PCDH11X: variants seen among roughly 807,000 people sequenced by gnomAD.
The protein encoded by PCDH11X is protocadherin-11 X-linked.
A neutral mutation model predicts 53.3 loss-of-function variants in PCDH11X; 18 were observed. The ratio of observed to expected loss-of-function variants is 0.34; its 90% confidence interval spans 0.23 to 0.50. The LOEUF is 0.50. Ranked by LOEUF, PCDH11X falls within the 20% of genes least tolerant of loss-of-function variation. The pLI, the probability that PCDH11X is intolerant of heterozygous loss-of-function variation, is 0.98. For synonymous variants in PCDH11X, 279 were observed against 393.3 expected (o/e 0.71, Z 3.44); for missense variants, 570 against 1,032.4 (o/e 0.55, Z 6.14).
At chrX:92,480,221 A>G (rs986468189) in intron 10 of PCDH11X, among the ~76,000 whole-genome samples, 1 of 111,481 alleles carries the variant, frequency 9.0e-6, no homozygotes, top group Non-Finnish European at 1.9e-5. Context: ...TATTTTCTAT[A>G]AAGACCTATT....
intron 4 of PCDH11X, among the ~76,000 whole-genome samples, chrX:91,812,828 A>G (rs1936334538): frequency 9.0e-6 from 1 of 111,383 alleles, no homozygotes; most frequent in African/African-American, 3.3e-5. Context: ...TTCCCAAATT[A>G]TTCAAGTCCC....
At chrX:92,269,675 A>G in intron 8 of PCDH11X, among the ~76,000 whole-genome samples, 2 of 110,363 alleles carry the variant, frequency 1.8e-5, no homozygotes, top group Non-Finnish European at 3.8e-5. Flanking sequence ...CTGCCCTTTT[A>G]TATTTAAAAA....
chrX:92,517,249 A>T (rs1457006451), intron 10 of PCDH11X, among the ~76,000 whole-genome samples: 1 of 111,709 alleles, frequency 9.0e-6, no homozygotes, highest in African/African-American at 3.3e-5. Flanking sequence ...AATACAAAAA[A>T]CAGAGCTTGA....
chrX:92,272,783 A>G (rs138854349), intron 8 of PCDH11X, among the ~76,000 whole-genome samples: 4,046 of 112,217 alleles, frequency 0.036, 79 homozygotes, highest in Non-Finnish European at 0.057. Context: ...TGATGAAGGT[A>G]TCTAAAGGAA....
In PCDH11X at chrX:92,201,423, A is replaced by G. The variant is rs778253077; in HGVS notation, c.3082A>G (p.Thr1028Ala). 1.7e-6 allele frequency: 2 copies of G among 1,202,811 alleles called. No homozygotes were observed. Among genetic ancestry groups the G allele is most frequent in the South Asian group, 1.8e-5 (1 of 55,933 alleles). The part of the protein sequence containing the change: ...RSCTPMKEST[T>A]MEIWIHPQPQ... The stretch of plus-strand genomic sequence containing the variant: ...TTGCACCCCCATGAAAGAGTCTACA[A>G]CTATGGAGATCTGGATTCATCCCCA... The change falls in exon 7 of 11, where the codon ACT becomes GCT. Residue 1028 changes from threonine to alanine, a missense_variant. By Grantham distance (58) the Thr-to-Ala change is moderately conservative (BLOSUM62 0). Around this residue, in one of 6 missense-constraint regions of PCDH11X, gnomAD observed 234 missense variants for 296.1 expected, o/e 0.79. Transcript: ENST00000682573.
At chrX:92,421,777 C>G (rs1433310210) in intron 9 of PCDH11X, among the ~76,000 whole-genome samples, 1 of 111,620 alleles carries the variant, frequency 9.0e-6, no homozygotes, top group African/African-American at 3.3e-5. Context: ...TATCTCATTG[C>G]GGTTTTGATT....
intron 7 of PCDH11X, among the ~76,000 whole-genome samples, chrX:92,255,086 C>T (rs1166645778): frequency 1.1e-4 from 11 of 103,093 alleles, no homozygotes; most frequent in African/African-American, 2.1e-4. Flanking sequence ...ACCAATCAGA[C>T]GTAGATTTGG....
At chrX:92,610,305 T>C (rs1927237965) in intron 10 of PCDH11X, among the ~76,000 whole-genome samples, 1 of 110,941 alleles carries the variant, frequency 9.0e-6, no homozygotes, top group East Asian at 2.9e-4. Flanking sequence ...TGGTGTGAGA[T>C]AGATTCTCAT....
chrX:91,883,003 G>C (rs1168746604), intron 6 of PCDH11X: 1 of 1,144,944 alleles, frequency 8.7e-7, no homozygotes, highest in Non-Finnish European at 1.2e-6. Context: ...TTCAATGATT[G>C]TGATTTCAAA....
chrX:92,277,938 C>T (rs1180320728), intron 8 of PCDH11X, among the ~76,000 whole-genome samples: 1 of 111,729 alleles, frequency 9.0e-6, no homozygotes, highest in Non-Finnish European at 1.9e-5. Flanking sequence ...CCAAGGCAGG[C>T]ATCCCTGTGT....
At chrX:92,575,818 C>T (rs1210014261) in intron 10 of PCDH11X, among the ~76,000 whole-genome samples, 1 of 100,283 alleles carries the variant, frequency 1.0e-5, no homozygotes, top group Non-Finnish European at 2.0e-5. Context: ...ATCATTTCAA[C>T]ATATTGAAGC....
chrX:92,140,351 A>G (rs991408596), intron 6 of PCDH11X, among the ~76,000 whole-genome samples: 5 of 111,433 alleles, frequency 4.5e-5, no homozygotes, highest in Non-Finnish European at 5.7e-5. Flanking sequence ...CTCTTCAAAA[A>G]CTTTTAATAT....
chrX:91,942,192 G>A (rs878890530), intron 6 of PCDH11X, among the ~76,000 whole-genome samples: 4 of 109,512 alleles, frequency 3.7e-5, no homozygotes, highest in African/African-American at 9.9e-5. Flanking sequence ...GGAATCACCC[G>A]CAAAAACAAT....
At chrX:92,250,405 C>T (rs2067435255) in intron 7 of PCDH11X, among the ~76,000 whole-genome samples, 1 of 109,708 alleles carries the variant, frequency 9.1e-6, no homozygotes, top group Non-Finnish European at 1.9e-5. Context: ...AACAGTTAAA[C>T]ACAGAGTTAT....
intron 9 of PCDH11X, among the ~76,000 whole-genome samples, chrX:92,437,478 A>G (rs139261217): frequency 0.028 from 3,075 of 111,533 alleles, 70 homozygotes; most frequent in African/African-American, 0.078. Flanking sequence ...AATTGACCTT[A>G]TAACAGAAAA....
intron 8 of PCDH11X, among the ~76,000 whole-genome samples, chrX:92,373,260 T>G (rs983170259): frequency 1.2e-4 from 13 of 111,488 alleles, no homozygotes; most frequent in Non-Finnish European, 2.4e-4. Flanking sequence ...ATGTAGTAAA[T>G]TGTGAAAATG....
intron 6 of PCDH11X, among the ~76,000 whole-genome samples, chrX:92,108,386 A>T (rs1413825413): frequency 2.7e-5 from 3 of 112,131 alleles, no homozygotes; most frequent in Non-Finnish European, 5.6e-5. Context: ...ATCAGCGTGC[A>T]TCCATTTTGA....
chrX:92,493,365 C>A (rs1328722228), intron 10 of PCDH11X, among the ~76,000 whole-genome samples: 1 of 110,795 alleles, frequency 9.0e-6, no homozygotes, highest in Admixed American at 9.6e-5. Flanking sequence ...GAAGGTAGAT[C>A]TCATGTTGAG....
intron 8 of PCDH11X, among the ~76,000 whole-genome samples, chrX:92,360,436 T>C (rs1178527485): frequency 9.0e-6 from 1 of 111,018 alleles, no homozygotes; most frequent in Non-Finnish European, 1.9e-5. Flanking sequence ...AGGAGATAAA[T>C]AAATAGAACA....
Sources: gnomAD v4.1 joint callset for allele counts (sites outside exome capture counted in the v4.1 genomes callset) on GRCh38, gnomAD v4.1.1 for gene constraint, gnomAD v4.1.1 regional missense constraint, MANE v1.5 for transcripts, NCBI Gene and HGNC (gene_info 2026-07-23, HGNC 2026-07-21) for gene names.